The following NTRK3 variants were observed in gnomAD, a reference collection of about 807,000 sequenced individuals.
NTRK3 encodes neurotrophic receptor tyrosine kinase 3.
A neutral mutation model predicts 91.7 loss-of-function variants in NTRK3; 24 were observed. The ratio of observed to expected loss-of-function variants is 0.26; its 90% CI spans 0.19 to 0.37. NTRK3 has a LOEUF of 0.37. Among genes scored for constraint, NTRK3 ranks in the 10% least tolerant of loss-of-function variants. NTRK3 has a pLI of 1.00. For synonymous variants in NTRK3, 483 were observed against 404.0 expected (o/e 1.20, Z -2.34); for missense variants, 880 against 1,068.9 (o/e 0.82, Z 2.46).
intron 17 of NTRK3, among the ~76,000 whole-genome samples, chr15:87,901,157 A>C (rs1371327502): frequency 6.6e-6 from 1 of 152,164 alleles, no homozygotes; most frequent in Non-Finnish European, 1.5e-5. Context: ...GGGCTGCTCC[A>C]TCTCTCTTTA....
chr15:87,999,420 T>A (rs928501235), intron 14 of NTRK3, among the ~76,000 whole-genome samples: 1 of 152,220 alleles, frequency 6.6e-6, no homozygotes. Flanking sequence ...TATCCCCCAC[T>A]ATTACCAGAT....
intron 14 of NTRK3, among the ~76,000 whole-genome samples, chr15:88,031,487 A>G (rs2078529987): frequency 6.6e-6 from 1 of 152,196 alleles, no homozygotes; most frequent in Non-Finnish European, 1.5e-5. Context: ...GAAGTGAACT[A>G]ATCTTTGTTC....
At chr15:88,161,749 A>AG (rs2043402100) in intron 5 of NTRK3, among the ~76,000 whole-genome samples, 1 of 152,190 alleles carries the variant, frequency 6.6e-6, no homozygotes, top group African/African-American at 2.4e-5. Context: ...GGAGCATCCT[A>AG]GAGCCCCTCT....
intron 14 of NTRK3, among the ~76,000 whole-genome samples, chr15:87,988,099 A>G (rs551584554): frequency 2.0e-4 from 31 of 152,304 alleles, no homozygotes; most frequent in African/African-American, 6.5e-4. Flanking sequence ...GACAAACACC[A>G]TCTCAGCCAG....
chr15:87,862,764 A>G (rs1287268267), exon 19 of NTRK3: 2 of 229,434 alleles, frequency 8.7e-6, no homozygotes, highest in African/African-American at 4.4e-5. Context: ...TTGCATTCTT[A>G]TTGTGATTGT....
Position 88,234,496 on chromosome 15 carries a change from T to G in NTRK3, c.248+21410A>C, listed in dbSNP as rs2141787588. Among the ~76,000 whole-genome samples, 1 of 152,306 alleles carries G rather than the reference T, an allele frequency of 6.6e-6. No homozygotes were observed. The highest frequency in any genetic ancestry group is 2.4e-5 in the African/African-American group (1 of 41,576). On this transcript the variant is annotated intron_variant, in intron 3 of 18. Coordinates refer to ENST00000394480, the Ensembl canonical transcript of NTRK3. This position sits in a 1 kb window ranked among gnomAD's most constrained non-coding sequence, Gnocchi z 6.1. ...TCAGCTTCTTAAAGACACCATTGCT[T>G]CAGGGGCCCTCCTCACGCTGCTCCC...
chr15:88,236,593 T>A lies in NTRK3; in HGVS notation c.248+19313A>T, dbSNP rs138225978. Among the ~76,000 whole-genome samples, 514 of 147,264 alleles carry A rather than the reference T, an allele frequency of 3.5e-3. 2 individuals carry two copies. Among genetic ancestry groups the A allele is most frequent in the East Asian group, 0.019 (95 of 5,070 alleles). On this transcript the variant is annotated intron_variant, in intron 3 of 18. Transcript: ENST00000394480. The stretch of plus-strand genomic sequence containing the variant: ...CCAACACGGGAGCTAAGCTATGAAG[T>A]TGCAAAGACATACAGAGGGATATAA...
Position 88,241,467 on chromosome 15 carries a change from CA to C in NTRK3, c.248+14438del, listed in dbSNP as rs1173456710. The stretch of plus-strand genomic sequence containing the variant: ...GACCCCGGAAAATGAACCCTAGATG[CA>C]AATCAGGGAGTCATGAGGTCACTCT... On this transcript the variant is annotated intron_variant, in intron 3 of 18. Transcript: ENST00000394480. This position sits in a 1 kb window ranked among gnomAD's most constrained non-coding sequence, Gnocchi z 4.3. Among the ~76,000 whole-genome samples the C allele has an allele frequency of 6.6e-6, 1 of 152,084 alleles. No homozygotes were observed. The highest frequency in any genetic ancestry group is 1.9e-4 in the East Asian group (1 of 5,174).
intron 10 of NTRK3, among the ~76,000 whole-genome samples, chr15:88,129,813 T>C (rs1424635918): frequency 6.6e-6 from 1 of 152,210 alleles, no homozygotes; most frequent in Non-Finnish European, 1.5e-5. Flanking sequence ...ATTAGGATTA[T>C]GTAGTCCCAA....
At chr15:88,037,657 G>A (rs192933983) in intron 13 of NTRK3, among the ~76,000 whole-genome samples, 3 of 152,332 alleles carry the variant, frequency 2.0e-5, no homozygotes, top group Admixed American at 2.0e-4. Flanking sequence ...GCTTGAAAAT[G>A]AGCCAACGTG....
At position 88,234,224 on chromosome 15, in the gene NTRK3, G is replaced by A. The variant is rs538754582; in HGVS notation, c.248+21682C>T. ...CCAAGGTTGTCTCTCATCGCCCCCCGCTCGACCTTCAAAAAGCTCCCATAG... is the reference window on the plus strand; with the variant it reads ...CCAAGGTTGTCTCTCATCGCCCCCCACTCGACCTTCAAAAAGCTCCCATAG... On this transcript the variant is annotated intron_variant, in intron 3 of 18. Coordinates refer to ENST00000394480, the Ensembl canonical transcript of NTRK3. The surrounding 1 kb of genome is among the most constrained non-coding windows in gnomAD (Gnocchi z 6.1). Among the ~76,000 whole-genome samples, 3 of 152,044 alleles carry A rather than the reference G, an allele frequency of 2.0e-5. No individual in the cohort carries two copies. Among genetic ancestry groups the A allele is most frequent in the Non-Finnish European group, 2.9e-5 (2 of 67,970 alleles).
rs140639706 is a variant in NTRK3, at chr15:88,055,542, G to A, written c.1397-22497C>T. Among the ~76,000 whole-genome samples, 85 of 152,052 alleles carry A rather than the reference G, an allele frequency of 5.6e-4. 1 individual carries two copies. The East Asian group carries it at 0.015, about 26-fold the overall frequency. On this transcript the variant is annotated intron_variant, in intron 13 of 18. Transcript: ENST00000394480. ...CAGCATCTCCTTAGATTTGCATAGC[G>A]CTTCATGGAACCAAGCACTTTCACA...
intron 5 of NTRK3, among the ~76,000 whole-genome samples, chr15:88,180,223 T>A (rs2046338115): frequency 6.6e-6 from 1 of 152,206 alleles, no homozygotes; most frequent in African/African-American, 2.4e-5. Flanking sequence ...GCTATTGCAA[T>A]TATCAATCTC....
chr15:87,916,767 CT>C (rs540250461), intron 17 of NTRK3, among the ~76,000 whole-genome samples: 420 of 142,446 alleles, frequency 2.9e-3, no homozygotes, highest in Middle Eastern at 7.6e-3. Flanking sequence ...AAGCACAAGG[CT>C]TTTTTTTTTT....
chr15:88,082,939 T>C (rs1399255162), intron 13 of NTRK3, among the ~76,000 whole-genome samples: 3 of 152,192 alleles, frequency 2.0e-5, no homozygotes, highest in African/African-American at 7.2e-5. Context: ...TCAGGGTTTC[T>C]CCAAATATAC....
At chr15:87,861,881 T>C (rs559871993) in exon 19 of NTRK3, 28 of 212,610 alleles carry the variant, frequency 1.3e-4, no homozygotes, top group African/African-American at 6.1e-4. Context: ...TCTGCATCTC[T>C]AGTCTCAGGC....
chr15:87,940,109 C>T (rs2069677841), intron 15 of NTRK3, among the ~76,000 whole-genome samples: 1 of 152,206 alleles, frequency 6.6e-6, no homozygotes, highest in African/African-American at 2.4e-5. Context: ...CAACCTCACT[C>T]ACTATTCTCC....
chr15:87,874,135 C>T (rs2064890617), exon 19 of NTRK3: 1 of 228,424 alleles, frequency 4.4e-6, no homozygotes, highest in Non-Finnish European at 8.7e-6. Flanking sequence ...GTACATGCCA[C>T]ACTCCCCAGA....
chr15:87,952,852 A>G (rs1431221362), intron 14 of NTRK3, among the ~76,000 whole-genome samples: 4 of 147,028 alleles, frequency 2.7e-5, no homozygotes, highest in Admixed American at 6.8e-5. Context: ...TTCCTGCCCT[A>G]CCCCCGCCGC....
Sources: allele counts gnomAD v4.1 joint callset (sites outside exome capture counted in the v4.1 genomes callset), GRCh38; gene constraint gnomAD v4.1.1; non-coding constraint Gnocchi (gnomAD v3.1); transcripts MANE v1.5; gene names NCBI Gene and HGNC (gene_info 2026-07-23, HGNC 2026-07-21).